RALGPS1: variants seen among roughly 807,000 people sequenced by gnomAD.
The protein encoded by RALGPS1 is ras-specific guanine nucleotide-releasing factor RalGPS1.
In RALGPS1, 19 loss-of-function variants were observed where a neutral mutation model predicts 78.8. That is an observed-to-expected ratio of 0.24 (90% confidence interval 0.17 to 0.35). The LOEUF (loss-of-function observed/expected upper bound fraction) is 0.35. RALGPS1 is among the 10% of genes least tolerant of loss of function. RALGPS1 has a pLI of 1.00. For synonymous variants in RALGPS1, 228 were observed against 256.3 expected (o/e 0.89, Z 1.06); for missense variants, 454 against 688.3 (o/e 0.66, Z 3.81).
At chr9:126,969,809 A>T (rs1283729928) in intron 3 of RALGPS1, among the ~76,000 whole-genome samples, 1 of 152,190 alleles carries the variant, frequency 6.6e-6, no homozygotes. Context: ...GGCTTGCTTC[A>T]GGCTGCCTTT....
chr9:127,173,474 A>T (rs1334221066), intron 10 of RALGPS1, among the ~76,000 whole-genome samples: 2 of 152,160 alleles, frequency 1.3e-5, no homozygotes, highest in Admixed American at 1.3e-4. Flanking sequence ...GCTTTAAATT[A>T]TGCCCCTTCC....
chr9:126,980,090 C>T (rs1047252838), intron 4 of RALGPS1, among the ~76,000 whole-genome samples: 2 of 152,128 alleles, frequency 1.3e-5, no homozygotes, highest in African/African-American at 2.4e-5. Flanking sequence ...AGAGTTTGCT[C>T]CTCATTGTCA....
intron 4 of RALGPS1, among the ~76,000 whole-genome samples, chr9:127,024,444 C>T (rs2045782549): frequency 6.6e-6 from 1 of 150,838 alleles, no homozygotes; most frequent in African/African-American, 2.4e-5. Flanking sequence ...TATGCTTTCC[C>T]TCCAGTTCTC....
At chr9:127,008,641 C>A (rs1459295449) in intron 4 of RALGPS1, among the ~76,000 whole-genome samples, 1 of 152,160 alleles carries the variant, frequency 6.6e-6, no homozygotes, top group Admixed American at 6.6e-5. Flanking sequence ...TGGTGATATC[C>A]TGGTTAGTAG....
At chr9:127,075,810 C>T (rs1430880527) in intron 8 of RALGPS1, among the ~76,000 whole-genome samples, 2 of 152,148 alleles carry the variant, frequency 1.3e-5, no homozygotes, top group Non-Finnish European at 2.9e-5. Flanking sequence ...TTCTTTTAAC[C>T]CTCTGTGGAA....
intron 1 of RALGPS1, among the ~76,000 whole-genome samples, chr9:126,923,710 G>A (rs1411653593): frequency 6.6e-6 from 1 of 152,194 alleles, no homozygotes; most frequent in African/African-American, 2.4e-5. Flanking sequence ...CTGGGCTGGA[G>A]TGCAGTGGCT....
chr9:127,137,448 C>A, intron 8 of RALGPS1, among the ~76,000 whole-genome samples: 1 of 152,324 alleles, frequency 6.6e-6, no homozygotes, highest in Middle Eastern at 3.4e-3. Flanking sequence ...GAAGTCACTC[C>A]CTGAGAGGGG....
At chr9:126,944,567 T>C (rs1311007999) in intron 1 of RALGPS1, among the ~76,000 whole-genome samples, 1 of 28,426 alleles carries the variant, frequency 3.5e-5, no homozygotes, top group Non-Finnish European at 6.3e-5. Context: ...AGGGAGACTA[T>C]GGGGAGGGAA....
intron 11 of RALGPS1, chr9:127,178,137 T>G (rs3739555): frequency 0.16 from 132,070 of 804,534 alleles, 13,485 homozygotes; most frequent in Admixed American, 0.24. Flanking sequence ...TGATTGGCTG[T>G]GCAGGGTCTG....
intron 14 of RALGPS1, among the ~76,000 whole-genome samples, chr9:127,207,083 T>G (rs1274629289): frequency 6.6e-6 from 1 of 151,974 alleles, no homozygotes; most frequent in Non-Finnish European, 1.5e-5. Context: ...TGGCACCCAT[T>G]GTCTCATCAC....
At chr9:127,161,630 C>G (rs1395747879) in intron 8 of RALGPS1, among the ~76,000 whole-genome samples, 1 of 152,126 alleles carries the variant, frequency 6.6e-6, no homozygotes, top group Non-Finnish European at 1.5e-5. Flanking sequence ...GTAGATGGCA[C>G]AGGGGAGGCA....
chr9:127,196,322 C>A, intron 12 of RALGPS1, 152 bp from the exon 13 acceptor site: 2 of 790,290 alleles, frequency 2.5e-6, no homozygotes, highest in Non-Finnish European at 3.9e-6. Flanking sequence ...AAGGTCATGG[C>A]ATGAGAGAGG....
At chr9:127,036,497 C>G (rs568766108) in intron 5 of RALGPS1, among the ~76,000 whole-genome samples, 1 of 152,348 alleles carries the variant, frequency 6.6e-6, no homozygotes, top group South Asian at 2.1e-4. Context: ...ATATGAAGAG[C>G]TTTAGCACAA....
chr9:127,101,009 T>C (rs745525647), intron 8 of RALGPS1, among the ~76,000 whole-genome samples: 10 of 152,230 alleles, frequency 6.6e-5, no homozygotes, highest in African/African-American at 9.6e-5. Context: ...CCAAGACTTG[T>C]CTTCATGATT....
At chr9:127,056,492 C>G (rs1219579828) in intron 7 of RALGPS1, among the ~76,000 whole-genome samples, 2 of 152,204 alleles carry the variant, frequency 1.3e-5, no homozygotes, top group African/African-American at 4.8e-5. Context: ...TCTCCCCTCT[C>G]ACTCACTCAC....
intron 4 of RALGPS1, among the ~76,000 whole-genome samples, chr9:127,027,168 G>A (rs966329955): frequency 2.0e-5 from 3 of 152,146 alleles, no homozygotes; most frequent in Non-Finnish European, 4.4e-5. Context: ...GTAATGTGTT[G>A]AAATCTCTCA....
intron 3 of RALGPS1, among the ~76,000 whole-genome samples, chr9:126,972,053 C>T (rs567731644): frequency 2.0e-5 from 3 of 152,188 alleles, no homozygotes; most frequent in South Asian, 2.1e-4. Context: ...CCATGGCTTC[C>T]GGAGAACTGG....
At chr9:126,916,253 T>C (rs1242376755) in intron 1 of RALGPS1, among the ~76,000 whole-genome samples, 1 of 152,212 alleles carries the variant, frequency 6.6e-6, no homozygotes, top group Non-Finnish European at 1.5e-5. Context: ...TGAGGTTTTG[T>C]TGGGAGTTCC....
rs138423884 is a variant in RALGPS1, at chr9:127,093,658, A to G, written c.610+24302A>G. The G allele has an allele frequency of 5.7e-4, 880 of 1,554,756 alleles. 22 individuals are homozygous for G. In the East Asian group the frequency reaches 0.019, roughly 34 times the overall value. Reference sequence around the variant, plus strand: ...CATGTACCTCTGAGTGGGCTCTTCTATTGGTTGCTCAGGCCTCTCTTGGGG... The same window carrying G: ...CATGTACCTCTGAGTGGGCTCTTCTGTTGGTTGCTCAGGCCTCTCTTGGGG... On this transcript the variant is annotated intron_variant, in intron 8 of 18. Transcript: ENST00000259351.
Sources: gnomAD v4.1 joint callset for allele counts (sites outside exome capture counted in the v4.1 genomes callset) on GRCh38, gnomAD v4.1.1 for gene constraint, MANE v1.5 for transcripts, NCBI Gene and HGNC (gene_info 2026-07-23, HGNC 2026-07-21) for gene names.